The following SRMS variants were observed in gnomAD, a reference collection of about 807,000 sequenced individuals.
SRMS encodes tyrosine-protein kinase Srms.
SRMS carries 42 observed loss-of-function variants against 43.5 expected under a neutral mutation model. The ratio of observed to expected loss-of-function variants is 0.97; its 90% CI spans 0.75 to 1.25. SRMS has a LOEUF of 1.25. Ranked by LOEUF, SRMS falls within the 50% of genes most tolerant of loss-of-function variation. SRMS has a pLI of 0.00. For synonymous variants in SRMS, 316 were observed against 308.2 expected, an observed-to-expected ratio of 1.03 and a Z score of -0.27; for missense variants, 703 against 681.0, an observed-to-expected ratio of 1.03 and a Z score of -0.36.
intron 5 of SRMS, 117 bp from the exon 6 acceptor site, chr20:63,541,737 G>T (rs2082705172): frequency 1.6e-6 from 2 of 1,288,342 alleles, no homozygotes; most frequent in African/African-American, 3.0e-5. Flanking sequence ...ACGTGGCGAG[G>T]ATGGCATGGC....
In SRMS at chr20:63,547,513, C is replaced by T. The variant is rs371648474; in HGVS notation, c.-50G>A. ...CGAGGGCCATGGGAGCCCGCGAGCCCGGAAGAGGAACTGGCAGGGCCGGTG... is the reference window on the plus strand; with the variant it reads ...CGAGGGCCATGGGAGCCCGCGAGCCTGGAAGAGGAACTGGCAGGGCCGGTG... On this transcript the variant is annotated 5_prime_UTR_variant, in exon 1 of 8. Transcript: ENST00000217188. The T allele has an allele frequency of 2.2e-4, 316 of 1,422,828 alleles. No individual in the cohort carries two copies. The African/African-American group carries it at 3.2e-3, about 14-fold the overall frequency. 88.1% of individuals were successfully genotyped at this position (1,422,828 alleles called of 1,614,324 possible).
At position 63,538,593 on chromosome 20, in the gene SRMS, G is replaced by A. The variant is rs1420130949; in HGVS notation, c.*2225C>T. On this transcript the variant is annotated 3_prime_UTR_variant, in exon 8 of 8. Transcript: ENST00000217188. ...ATCTGGATTATTTAACAGGCTCATA[G>A]ATTTCTGGGCAGCCCAGCTCAGCGC... Among the ~76,000 whole-genome samples the A allele has an allele frequency of 6.6e-6, 1 of 152,170 alleles. No homozygotes were observed. The highest frequency in any genetic ancestry group is 1.5e-5 in the Non-Finnish European group (1 of 68,032).
At chr20:63,547,073 G>A (rs1463341359) in intron 1 of SRMS, 35 bp downstream of exon 1, 66 of 1,492,288 alleles carry the variant, frequency 4.4e-5, no homozygotes, top group Middle Eastern at 1.9e-4. Context: ...AGCTGGGGGC[G>A]AGGCAGGCTC....
At position 63,542,572 on chromosome 20, in the gene SRMS, T is replaced by G. The variant is rs404613; in HGVS notation, c.655A>C (p.Arg219=). ...TGTGGCCGCTCCCACACGTCCTGCC[T>G]CGGGGCCTTCTGCAGGGAGGGTGGG... ...LQPCMPQKAP[R]QDVWERPHSE... Residue 219 remains arginine (R), a synonymous_variant, in exon 4 of 8, where the codon AGG becomes CGG. Transcript: ENST00000217188. The G allele has an allele frequency of 0.11, 175,071 of 1,562,878 alleles. 34,151 individuals carry two copies. The highest frequency in any genetic ancestry group is 0.84 in the African/African-American group (62,501 of 74,840).
intron 2 of SRMS, chr20:63,543,821 T>C: frequency 2.7e-6 from 1 of 373,950 alleles, no homozygotes. Context: ...AATAAGCAAA[T>C]GAGTGAAAGA....
intron 2 of SRMS, 84 bp downstream of exon 2, chr20:63,544,143 A>G (rs1347509700): frequency 1.5e-6 from 2 of 1,344,358 alleles, no homozygotes; most frequent in Non-Finnish European, 1.9e-6. Context: ...ATCAGGAGCC[A>G]GCACTGCCTA....
intron 1 of SRMS, among the ~76,000 whole-genome samples, chr20:63,545,746 G>C (rs1411787328): frequency 6.6e-6 from 1 of 152,166 alleles, no homozygotes; most frequent in Non-Finnish European, 1.5e-5. Flanking sequence ...CTCCATGGAC[G>C]CTCTGTCCAT....
chr20:63,547,467 C>G lies in SRMS; in HGVS notation c.-4G>C. ...GCCTCCTGAGGAACGGCTCCATCCC[C>G]CGGGGTCACCACGCTGGGCCCGAGG... is the stretch of plus-strand genomic sequence containing the variant. On this transcript the variant is annotated 5_prime_UTR_variant, in exon 1 of 8. Coordinates refer to ENST00000217188, the MANE Select transcript of SRMS (RefSeq NM_080823.4). 6.1e-6 allele frequency: 9 copies of G among 1,481,294 alleles called. No homozygotes were observed. The highest frequency in any genetic ancestry group is 8.1e-6 in the Non-Finnish European group (9 of 1,112,744). The allele number at this position is 1,481,294 out of a possible 1,614,324, so 91.8% of individuals were successfully genotyped here. A position where few individuals can be genotyped will look rare whatever the true frequency, so the allele number is the denominator to read the frequency against.
Position 63,539,401 on chromosome 20 carries a change from C to G in SRMS, c.*1417G>C, listed in dbSNP as rs749321711. ...GCTCCCTCCTGAGCCAGGCTTTGGC[C>G]GGGGCCTGTGGACGGCAGCCATCAG... On this transcript the variant is annotated 3_prime_UTR_variant, in exon 8 of 8. Transcript: ENST00000217188. Among the ~76,000 whole-genome samples the G allele has an allele frequency of 4.9e-4, 75 of 152,208 alleles. No individual in the cohort carries two copies. Among genetic ancestry groups the G allele is most frequent in the African/African-American group, 1.8e-3 (73 of 41,440 alleles).
chr20:63,542,193 G>A lies in SRMS; in HGVS notation c.916C>T (p.Arg306Cys), dbSNP rs771357074. 14 of 1,611,266 alleles carry A rather than the reference G, an allele frequency of 8.7e-6. No homozygotes were observed. The highest frequency in any genetic ancestry group is 8.0e-5 in the African/African-American group (6 of 74,904). ...AGGAAGGCCTGCAGGTTCCCCTTGCGCATGAGTTCCGTGACGATGTACACA... is the reference window on the plus strand; with the variant it reads ...AGGAAGGCCTGCAGGTTCCCCTTGCACATGAGTTCCGTGACGATGTACACA... ...EPVYIVTELM[R>C]KGNLQAFLGT... The change falls in exon 5 of 8, where the codon CGC (arginine) becomes TGC (cysteine). Residue 306 changes from arginine (R) to cysteine (C), a missense_variant. Arg to Cys is a radical substitution (Grantham distance 180). Transcript: ENST00000217188.
At chr20:63,542,025 G>A (rs1168404217) in intron 5 of SRMS, 138 bp downstream of exon 5, 16 of 1,249,634 alleles carry the variant, frequency 1.3e-5, no homozygotes, top group Non-Finnish European at 1.7e-5. Flanking sequence ...ACAGGGATGG[G>A]ATCTGCAGCC....
chr20:63,546,760 A>T (rs555917483), intron 1 of SRMS, among the ~76,000 whole-genome samples: 1 of 152,226 alleles, frequency 6.6e-6, no homozygotes, highest in East Asian at 1.9e-4. Context: ...CGATCCATGA[A>T]CACTGGACTC....
Position 63,541,293 on chromosome 20 carries a change from G to C in SRMS, c.1183C>G (p.Pro395Ala), listed in dbSNP as rs930558316. Reference protein sequence around the residue: ...SSKIPVKWTAPEAANYRVFSQ... With the variant: ...SSKIPVKWTAAEAANYRVFSQ... ...AAGACACGATAATTGGCCGCCTCAG[G>C]CGCTGTCCACTTGACCGGGATCTTG... Residue 395 changes from proline (P) to alanine (A), a missense_variant, in exon 7 of 8, where the codon CCT (proline) becomes GCT (alanine). By Grantham distance (27) the Pro-to-Ala change is conservative (BLOSUM62 -1). Transcript: ENST00000217188. The C allele has an allele frequency of 6.4e-6, 10 of 1,561,310 alleles. No individual in the cohort carries two copies. The highest frequency in any genetic ancestry group is 1.4e-5 in the African/African-American group (1 of 72,676).
At chr20:63,547,079 G>C in intron 1 of SRMS, 29 bp downstream of exon 1, 1 of 1,504,946 alleles carries the variant, frequency 6.6e-7, no homozygotes, top group Non-Finnish European at 8.9e-7. Flanking sequence ...GGGCGAGGCA[G>C]GCTCTGACTC....
At position 63,540,765 on chromosome 20, in the gene SRMS, A is replaced by G; in HGVS notation, c.*53T>C. The G allele has an allele frequency of 5.2e-6, 8 of 1,537,490 alleles. No homozygotes were observed. The highest frequency in any genetic ancestry group is 7.0e-6 in the Non-Finnish European group (8 of 1,144,682). On this transcript the variant is annotated 3_prime_UTR_variant, in exon 8 of 8. Coordinates refer to ENST00000217188, the MANE Select transcript of SRMS (RefSeq NM_080823.4). ...GCATCCCTTCGAGTTGGCGCTCTGC[A>G]GGGAGGAGGGGCTGGCCTGGCTGGA...
chr20:63,542,743 C>T (rs933634533), intron 3 of SRMS, among the ~76,000 whole-genome samples, 162 bp from the exon 4 acceptor site: 9 of 152,328 alleles, frequency 5.9e-5, no homozygotes, highest in South Asian at 4.1e-4. Flanking sequence ...CTTGGAGGCC[C>T]GGCCCAGCCC....
chr20:63,545,356 C>T (rs989242182), intron 1 of SRMS, among the ~76,000 whole-genome samples: 1 of 152,226 alleles, frequency 6.6e-6, no homozygotes, highest in African/African-American at 2.4e-5. Context: ...TCCTGGGACC[C>T]GGAGAGGGAT....
At position 63,538,716 on chromosome 20, in the gene SRMS, A is replaced by AGGGGGGGGGGGGGGGG. The variant is rs1374903293; in HGVS notation, c.*2101_*2102insCCCCCCCCCCCCCCCC. Reference sequence around the variant, plus strand: ...GGTCGGTTGGGGAGGATGCAGGGGGAGGGGTGGGGGGTGGGGAATGCGGAA... The same window carrying AGGGGGGGGGGGGGGGG: ...GGTCGGTTGGGGAGGATGCAGGGGGAGGGGGGGGGGGGGGGGGGGGTGGGGGGTGGGGAATGCGGAA... On this transcript the variant is annotated 3_prime_UTR_variant, in exon 8 of 8. Coordinates refer to ENST00000217188, the MANE Select transcript of SRMS (RefSeq NM_080823.4). Among the ~76,000 whole-genome samples, 1 of 9,342 alleles carries AGGGGGGGGGGGGGGGG rather than the reference A, an allele frequency of 1.1e-4. No homozygotes were observed. 6.1% of individuals were successfully genotyped at this position (9,342 alleles called of 152,430 possible). A position where few individuals can be genotyped will look rare whatever the true frequency, so the allele number is the denominator to read the frequency against.
rs1180134258 is a variant in SRMS, at chr20:63,543,731, A to G, written c.479-251T>C. 1.0e-5 allele frequency: 5 copies of G among 500,312 alleles called. No individual in the cohort carries two copies. In the East Asian group the frequency reaches 1.6e-4, roughly 16 times the overall value. The allele number at this position is 500,312 out of a possible 1,614,324, so 31.0% of individuals were successfully genotyped here. The stretch of plus-strand genomic sequence containing the variant: ...GAGTAGGCACTTAATAAATACTTGT[A>G]GAATGAATGAGTCCATGAGTCAGTG... On this transcript the variant is annotated intron_variant, in intron 2 of 7. Transcript: ENST00000217188.
Sources: gnomAD v4.1 joint callset for allele counts (sites outside exome capture counted in the v4.1 genomes callset) on GRCh38, gnomAD v4.1.1 for gene constraint, MANE v1.5 for transcripts, NCBI Gene and HGNC (gene_info 2026-07-23, HGNC 2026-07-21) for gene names.